Variants in BCL7B observed in about 807,000 individuals in gnomAD.
The protein encoded by BCL7B is B-cell CLL/lymphoma 7 protein family member B.
In BCL7B, 11 loss-of-function variants were observed where a neutral mutation model predicts 26.5. The ratio of observed to expected loss-of-function variants is 0.42; its 90% CI spans 0.26 to 0.69. The LOEUF is 0.69. Ranked by LOEUF, BCL7B falls within the 30% of genes least tolerant of loss-of-function variation. The pLI, the probability that BCL7B is intolerant of heterozygous loss-of-function variation, is 0.28. For missense variants in BCL7B, 215 were observed against 264.4 expected (o/e 0.81, Z 1.30); for synonymous variants, 111 against 107.9 (o/e 1.03, Z -0.18).
At chr7:73,555,083 T>A (rs1200569957) in intron 1 of BCL7B, among the ~76,000 whole-genome samples, 3 of 151,998 alleles carry the variant, frequency 2.0e-5, no homozygotes, top group African/African-American at 7.3e-5. Context: ...TTCAACCATA[T>A]CAAATTGCCA....
rs782339196 is a variant in BCL7B, at chr7:73,537,946, T to C, written c.504A>G (p.Pro168=). 2.1e-5 allele frequency: 33 copies of C among 1,596,404 alleles called. No homozygotes were observed. In the South Asian group the frequency reaches 3.5e-4, roughly 17 times the overall value. The change falls in exon 5 of 6, where the codon CCA becomes CCG. Residue 168 remains proline (P), a synonymous_variant. Coordinates refer to ENST00000223368, the MANE Select transcript of BCL7B (RefSeq NM_001707.4). ...PPTLTKEEPV[P]LETQVVEEEE... is the part of the protein sequence containing the mutation. ...AGTGATTGCTTACCTGTGTCTCTAGTGGAACTGGTTCTTCCTTGGTGAGGG... is the reference window on the plus strand; with the variant it reads ...AGTGATTGCTTACCTGTGTCTCTAGCGGAACTGGTTCTTCCTTGGTGAGGG...
intron 2 of BCL7B, among the ~76,000 whole-genome samples, chr7:73,551,491 C>A (rs1554584144): frequency 6.6e-6 from 1 of 151,860 alleles, no homozygotes. Flanking sequence ...TTAGTAGAGA[C>A]AGGGGTTGCA....
chr7:73,543,410 T>A, intron 3 of BCL7B, 138 bp downstream of exon 3: 1 of 734,322 alleles, frequency 1.4e-6, no homozygotes, highest in Non-Finnish European at 2.4e-6. Context: ...ACTCCTGACC[T>A]CAGGTGATCT....
intron 4 of BCL7B, 52 bp from the exon 5 acceptor site, chr7:73,538,065 C>T (rs1791610578): frequency 1.6e-6 from 2 of 1,246,948 alleles, no homozygotes; most frequent in Non-Finnish European, 2.3e-6. Context: ...GAGGCCTGGA[C>T]CTGGGGGAGC....
chr7:73,542,840 CA>C, intron 3 of BCL7B: 1 of 447,272 alleles, frequency 2.2e-6, no homozygotes, highest in Non-Finnish European at 4.5e-6. Context: ...CTTGGGAGGT[CA>C]AGGCTGGGGG....
intron 2 of BCL7B, among the ~76,000 whole-genome samples, chr7:73,548,384 C>T: frequency 6.6e-6 from 1 of 151,956 alleles, no homozygotes; most frequent in African/African-American, 2.4e-5. Context: ...GCTTAGATCG[C>T]ACCACTGTAC....
At chr7:73,543,499 C>T (rs1321837330) in intron 3 of BCL7B, 49 bp downstream of exon 3, 2 of 1,547,212 alleles carry the variant, frequency 1.3e-6, no homozygotes, top group Non-Finnish European at 1.8e-6. Flanking sequence ...TTAATGCATT[C>T]ATCCAAGTTT....
chr7:73,545,796 C>G (rs1791931351), intron 2 of BCL7B, among the ~76,000 whole-genome samples: 1 of 152,134 alleles, frequency 6.6e-6, no homozygotes, highest in Non-Finnish European at 1.5e-5. Context: ...AAGGGAGAGG[C>G]TGAACCCTGA....
At chr7:73,557,324 C>A (rs1792407165) in intron 1 of BCL7B, 163 bp downstream of exon 1, 1 of 1,173,404 alleles carries the variant, frequency 8.5e-7, no homozygotes, top group Admixed American at 4.6e-5. Flanking sequence ...GGCCGGCGCG[C>A]CCTCTGACCT....
chr7:73,546,523 C>G (rs192675428), intron 2 of BCL7B, among the ~76,000 whole-genome samples: 1,883 of 152,064 alleles, frequency 0.012, 39 homozygotes, highest in African/African-American at 0.043. Flanking sequence ...AAAAAATTAG[C>G]TGGGCATGGT....
At chr7:73,548,076 T>C (rs1206564145) in intron 2 of BCL7B, among the ~76,000 whole-genome samples, 5 of 151,762 alleles carry the variant, frequency 3.3e-5, no homozygotes, top group African/African-American at 1.2e-4. Flanking sequence ...CAAGATTACG[T>C]CACTGCACTC....
rs184137940 is a variant in BCL7B at position 73,542,753 on chromosome 7, C to T, written c.265+795G>A. ...CCTAACAGTGGGTAAGCAGAAGCTT[C>T]GGCTTTGGGTAGCCTACTCTAAGCG... On this transcript the variant is annotated intron_variant, in intron 3 of 5. Coordinates refer to ENST00000223368, the MANE Select transcript of BCL7B (RefSeq NM_001707.4). 1.0e-4 allele frequency: 28 copies of T among 272,202 alleles called. No individual in the cohort carries two copies. In the East Asian group the frequency reaches 1.1e-3, roughly 11 times the overall value. 16.9% of individuals were successfully genotyped at this position (272,202 alleles called of 1,614,324 possible).
intron 1 of BCL7B, among the ~76,000 whole-genome samples, chr7:73,552,493 T>C (rs1253009032): frequency 6.6e-6 from 1 of 150,806 alleles, no homozygotes; most frequent in Non-Finnish European, 1.5e-5. Context: ...AAAAAAAAAA[T>C]ACAGGCCAGG....
At chr7:73,548,378 A>G (rs1281162386) in intron 2 of BCL7B, among the ~76,000 whole-genome samples, 1 of 152,070 alleles carries the variant, frequency 6.6e-6, no homozygotes, top group Non-Finnish European at 1.5e-5. Flanking sequence ...CAGTGAGCTT[A>G]GATCGCACCA....
At chr7:73,549,825 G>A (rs1792090147) in intron 2 of BCL7B, among the ~76,000 whole-genome samples, 1 of 152,100 alleles carries the variant, frequency 6.6e-6, no homozygotes, top group African/African-American at 2.4e-5. Context: ...GTGAGATTTT[G>A]TCTCTGGAAA....
At chr7:73,542,945 A>T (rs1554583048) in intron 3 of BCL7B, 1 of 393,684 alleles carries the variant, frequency 2.5e-6, no homozygotes, top group Non-Finnish European at 5.1e-6. Flanking sequence ...AGTACAATCT[A>T]AAAAAAAGCT....
chr7:73,539,691 C>A (rs1554582567), intron 4 of BCL7B, 191 bp downstream of exon 4: 3 of 651,166 alleles, frequency 4.6e-6, no homozygotes, highest in Non-Finnish European at 7.5e-6. Flanking sequence ...TGGCACGCAA[C>A]TCTAATGCTT....
chr7:73,554,139 T>G (rs756237188), intron 1 of BCL7B, among the ~76,000 whole-genome samples: 12 of 151,820 alleles, frequency 7.9e-5, no homozygotes, highest in Non-Finnish European at 1.8e-4. Flanking sequence ...TTTTTTGTAT[T>G]TTTAGTAAGG....
At chr7:73,538,990 T>TA (rs1345450762) in intron 4 of BCL7B, among the ~76,000 whole-genome samples, 5 of 152,156 alleles carry the variant, frequency 3.3e-5, no homozygotes, top group Non-Finnish European at 7.4e-5. Context: ...AGATGAAGTC[T>TA]AGCTCTGTCG....
Sources: gnomAD v4.1 joint callset for allele counts (sites outside exome capture counted in the v4.1 genomes callset) on GRCh38, gnomAD v4.1.1 for gene constraint, MANE v1.5 for transcripts, NCBI Gene and HGNC (gene_info 2026-07-23, HGNC 2026-07-21) for gene names.